DOCK7: variants seen among roughly 807,000 people sequenced by gnomAD.
The protein encoded by DOCK7 is dedicator of cytokinesis 7, also known as dedicator of cytokinesis protein 7.
A neutral mutation model predicts 271.0 loss-of-function variants in DOCK7; 138 were observed. The observed-to-expected ratio is 0.51, with a 90% CI of 0.44 to 0.59. DOCK7 has a LOEUF of 0.59. Ranked by LOEUF, DOCK7 falls within the 20% of genes least tolerant of loss-of-function variation. The pLI is 0.00. For missense variants in DOCK7, 2,066 were observed against 2,592.4 expected (o/e 0.80, Z 4.41); for synonymous variants, 823 against 876.1 (o/e 0.94, Z 1.07).
In DOCK7 at chr1:62,559,011, A is replaced by T; in HGVS notation, c.2409T>A (p.Pro803=). ...LDKLILLVIR[P]PVIAGQIVNL... ...TACCTATTTGGCCAGCAATGACAGGAGGTCTAATAACTAAAAGTATCAGTT... is the reference window on the plus strand; with the variant it reads ...TACCTATTTGGCCAGCAATGACAGGTGGTCTAATAACTAAAAGTATCAGTT... The change falls in exon 20 of 50, where the codon CCT becomes CCA. Residue 803 remains proline (P), a synonymous_variant. Coordinates refer to ENST00000635253, the MANE Select transcript of DOCK7 (RefSeq NM_001367561.1). 1 of 1,612,910 alleles carries T rather than the reference A, an allele frequency of 6.2e-7. No homozygotes were observed. The highest frequency in any genetic ancestry group is 1.1e-5 in the South Asian group (1 of 90,984).
chr1:62,635,807 GTC>G (rs1487739999), intron 8 of DOCK7: 1 of 151,808 alleles, frequency 6.6e-6, no homozygotes, highest in Non-Finnish European at 1.5e-5. Flanking sequence ...GCGGGGGGTG[GTC>G]TCACTATGTT....
chr1:62,527,214 G>C (rs1289976854), intron 31 of DOCK7, among the ~76,000 whole-genome samples: 2 of 152,066 alleles, frequency 1.3e-5, no homozygotes, highest in African/African-American at 4.8e-5. Flanking sequence ...CTGCCTTTAA[G>C]AGGGGAAAAG....
intron 4 of DOCK7, 29 bp from the exon 5 acceptor site, chr1:62,648,573 T>A (rs764776246): frequency 1.7e-6 from 2 of 1,171,270 alleles, no homozygotes; most frequent in African/African-American, 1.6e-5. Flanking sequence ...TAAATAAATA[T>A]CAACTATCAA....
intron 1 of DOCK7, among the ~76,000 whole-genome samples, chr1:62,683,421 A>G (rs1017490159): frequency 1.3e-5 from 2 of 152,240 alleles, no homozygotes; most frequent in African/African-American, 4.8e-5. Flanking sequence ...GAGGTGTTAA[A>G]TAAGTCGATA....
At chr1:62,667,570 C>T (rs1659458667) in intron 1 of DOCK7, among the ~76,000 whole-genome samples, 1 of 152,078 alleles carries the variant, frequency 6.6e-6, no homozygotes, top group South Asian at 2.1e-4. Context: ...CAAAAATTAG[C>T]TGGGCATGGT....
Position 62,648,143 on chromosome 1 carries a change from T to C in DOCK7, c.695A>G (p.His232Arg). The C allele has an allele frequency of 6.2e-7, 1 of 1,613,608 alleles. No homozygotes were observed. ...QNDDQRKSNR[H>R]KELFALHPSP... Reference sequence around the variant, plus strand: ...TGGATGCAAAGCAAAAAGTTCTTTGTGACGGTTTGATTTCCTTTGGTCATC... The same window carrying C: ...TGGATGCAAAGCAAAAAGTTCTTTGCGACGGTTTGATTTCCTTTGGTCATC... Residue 232 changes from histidine (H) to arginine (R), a missense_variant, in exon 6 of 50, where the codon CAC becomes CGC. Physicochemically the swap from His to Arg is conservative, Grantham distance 29 (BLOSUM62 0). Coordinates refer to ENST00000635253, the MANE Select transcript of DOCK7 (RefSeq NM_001367561.1).
chr1:62,464,083 G>C (rs942374269), intron 48 of DOCK7, among the ~76,000 whole-genome samples: 1 of 151,424 alleles, frequency 6.6e-6, no homozygotes, highest in Admixed American at 6.6e-5. Context: ...TTTTTGAGCC[G>C]GAGTCTCGCT....
intron 15 of DOCK7, chr1:62,584,247 AT>A (rs1379362964): frequency 2.0e-6 from 2 of 976,180 alleles, no homozygotes; most frequent in African/African-American, 3.5e-5. Context: ...TACAAGTGTA[AT>A]AATTATGACT....
At chr1:62,507,302 A>G (rs1174644596) in intron 35 of DOCK7, among the ~76,000 whole-genome samples, 2 of 152,166 alleles carry the variant, frequency 1.3e-5, no homozygotes, top group Non-Finnish European at 2.9e-5. Context: ...AGATCTTGCT[A>G]ACTGATTTGA....
chr1:62,471,043 T>G (rs375862115), intron 48 of DOCK7, among the ~76,000 whole-genome samples: 4 of 152,224 alleles, frequency 2.6e-5, no homozygotes, highest in African/African-American at 7.2e-5. Context: ...CCCTTTATGA[T>G]GATCCACTTC....
chr1:62,571,194 TA>T (rs1646764494), intron 18 of DOCK7, among the ~76,000 whole-genome samples: 1 of 151,974 alleles, frequency 6.6e-6, no homozygotes, highest in Admixed American at 6.6e-5. Context: ...ACAAGGAACT[TA>T]AACAAATTTA....
At chr1:62,676,151 G>A (rs1277277690) in intron 1 of DOCK7, among the ~76,000 whole-genome samples, 1 of 152,172 alleles carries the variant, frequency 6.6e-6, no homozygotes, top group Non-Finnish European at 1.5e-5. Context: ...ATCAGCTGAT[G>A]AATGGATAAA....
At position 62,513,572 on chromosome 1, in the gene DOCK7, G is replaced by A; in HGVS notation, c.4154C>T (p.Thr1385Ile). The change falls in exon 33 of 50, where the codon ACC becomes ATC. Residue 1385 changes from threonine to isoleucine, a missense_variant. Transcript: ENST00000635253. ...TCTCATGTCTTTTGATTTCTTAAAG[G>A]TCAAGCTATTCATTCGTTCAAACAC... ...KKVFERMNSL[T>I]FKKSKDMRAK... The A allele has an allele frequency of 6.2e-7, 1 of 1,613,954 alleles. No homozygotes were observed. The highest frequency in any genetic ancestry group is 8.5e-7 in the Non-Finnish European group (1 of 1,179,962).
rs758482826 is a variant in DOCK7 at position 62,654,170 on chromosome 1, A to C, written c.145-11T>G. The stretch of plus-strand genomic sequence containing the variant: ...TTCGGTAAGGGGCACCTTTGTAAAA[A>C]GTTGGGATAAGAGATGGGTAGAAAA... On this transcript the variant is annotated splice_polypyrimidine_tract_variant and intron_variant, in intron 2 of 49. Coordinates refer to ENST00000635253, the MANE Select transcript of DOCK7 (RefSeq NM_001367561.1). 1.2e-6 allele frequency: 2 copies of C among 1,604,054 alleles called. No individual in the cohort carries two copies. Among genetic ancestry groups the C allele is most frequent in the Non-Finnish European group, 1.7e-6 (2 of 1,174,970 alleles).
At chr1:62,622,158 CAGT>C (rs1273222202) in intron 12 of DOCK7, among the ~76,000 whole-genome samples, 2 of 152,162 alleles carry the variant, frequency 1.3e-5, no homozygotes, top group African/African-American at 4.8e-5. Context: ...TAGAAGATGA[CAGT>C]AGAATTTGAG....
chr1:62,671,527 G>T (rs898483492), intron 1 of DOCK7, among the ~76,000 whole-genome samples: 4 of 152,074 alleles, frequency 2.6e-5, no homozygotes, highest in Non-Finnish European at 5.9e-5. Context: ...AAAAGAGAGA[G>T]ATACTGAATA....
chr1:62,529,186 C>T (rs1400009465), intron 30 of DOCK7, 91 bp downstream of exon 30: 8 of 1,250,094 alleles, frequency 6.4e-6, no homozygotes, highest in Non-Finnish European at 7.5e-6. Context: ...TTCTTATTTT[C>T]CTAAAATAAG....
At position 62,648,402 on chromosome 1, in the gene DOCK7, A is replaced by C. The variant is rs1329508809; in HGVS notation, c.519+13T>G. ...AATAACTTCTTATAGTTATTTAAGAATAAAAGTATTACTTGATCATCCTGG... is the reference window on the plus strand; with the variant it reads ...AATAACTTCTTATAGTTATTTAAGACTAAAAGTATTACTTGATCATCCTGG... On this transcript the variant is annotated intron_variant, in intron 5 of 49. Transcript: ENST00000635253. 6.7e-7 allele frequency: 1 copy of C among 1,492,604 alleles called. No homozygotes were observed. Among genetic ancestry groups the C allele is most frequent in the Non-Finnish European group, 8.9e-7 (1 of 1,123,734 alleles). The allele number at this position is 1,492,604 out of a possible 1,614,324, so 92.5% of individuals were successfully genotyped here. A position where few individuals can be genotyped will look rare whatever the true frequency, so the allele number is the denominator to read the frequency against.
intron 1 of DOCK7, among the ~76,000 whole-genome samples, chr1:62,683,103 T>G (rs1301193848): frequency 6.6e-6 from 1 of 152,138 alleles, no homozygotes; most frequent in Admixed American, 6.5e-5. Flanking sequence ...AGAAATGACC[T>G]AAGGTAAACC....
Sources: allele counts gnomAD v4.1 joint callset (sites outside exome capture counted in the v4.1 genomes callset), GRCh38; gene constraint gnomAD v4.1.1; transcripts MANE v1.5; gene names NCBI Gene and HGNC (gene_info 2026-07-23, HGNC 2026-07-21).